The following ITGA9 variants were observed in gnomAD, a reference collection of about 807,000 sequenced individuals.
The protein encoded by ITGA9 is integrin alpha-9.
ITGA9 carries 56 observed loss-of-function variants against 127.8 expected under a neutral mutation model. The ratio of observed to expected loss-of-function variants is 0.44; its 90% CI spans 0.35 to 0.55. The LOEUF (loss-of-function observed/expected upper bound fraction) is 0.55. Ranked by LOEUF, ITGA9 falls within the 20% of genes least tolerant of loss-of-function variation. The pLI, the probability that ITGA9 is intolerant of heterozygous loss-of-function variation, is 0.00. For missense variants in ITGA9, 1,196 were observed against 1,347.1 expected (o/e 0.89, Z 1.76); for synonymous variants, 508 against 514.5 (o/e 0.99, Z 0.17).
At position 37,625,224 on chromosome 3, in the gene ITGA9, G is replaced by T. The variant is rs570334406; in HGVS notation, c.1690-3963G>T. Among the ~76,000 whole-genome samples, 4 of 152,184 alleles carry T rather than the reference G, an allele frequency of 2.6e-5. No individual in the cohort carries two copies. The South Asian group carries it at 6.2e-4, about 24-fold the overall frequency. On this transcript the variant is annotated intron_variant, in intron 15 of 27. Transcript: ENST00000264741. ...GCCAGCCCTCAGTCTGAACCTTTGGGTCCCCAAAGCCTCCCCTGTCCTGGT... is the reference window on the plus strand; with the variant it reads ...GCCAGCCCTCAGTCTGAACCTTTGGTTCCCCAAAGCCTCCCCTGTCCTGGT...
intron 15 of ITGA9, among the ~76,000 whole-genome samples, chr3:37,614,352 G>T (rs1287721657): frequency 1.3e-5 from 2 of 152,070 alleles, no homozygotes; most frequent in Non-Finnish European, 2.9e-5. Flanking sequence ...GTACCATGCT[G>T]TTTTGGTTAC....
intron 15 of ITGA9, among the ~76,000 whole-genome samples, chr3:37,575,302 G>A (rs974022035): frequency 7.2e-5 from 11 of 152,232 alleles, no homozygotes; most frequent in African/African-American, 1.2e-4. Context: ...GACCTTCAGC[G>A]GGCATTTAAC....
chr3:37,529,798 G>T (rs550230361), intron 13 of ITGA9, among the ~76,000 whole-genome samples: 2 of 152,212 alleles, frequency 1.3e-5, no homozygotes, highest in Non-Finnish European at 2.9e-5. Context: ...GATGAGGGAT[G>T]GGGGGATGAG....
rs558420704 is a variant in ITGA9 at position 37,501,846 on chromosome 3, G to A, written c.613-1332G>A. Among the ~76,000 whole-genome samples, 5 of 152,332 alleles carry A rather than the reference G, an allele frequency of 3.3e-5. No homozygotes were observed. The East Asian group carries it at 9.6e-4, about 29-fold the overall frequency. On this transcript the variant is annotated intron_variant, in intron 5 of 27. Coordinates refer to ENST00000264741, the MANE Select transcript of ITGA9 (RefSeq NM_002207.3). ...AATTAGTTTAGAGTGTCCTAGGCAT[G>A]CAGTCTGAGGGGGCAGTGGCAGGAG...
intron 15 of ITGA9, among the ~76,000 whole-genome samples, chr3:37,604,146 C>G (rs1225937043): frequency 6.6e-6 from 1 of 152,230 alleles, no homozygotes; most frequent in Non-Finnish European, 1.5e-5. Context: ...CTGCACAGCC[C>G]TTTGGCAGAG....
chr3:37,594,192 T>C (rs1198626476), intron 15 of ITGA9, among the ~76,000 whole-genome samples: 1 of 152,074 alleles, frequency 6.6e-6, no homozygotes, highest in Non-Finnish European at 1.5e-5. Flanking sequence ...GCTTTTCACG[T>C]GGGGGTTGTT....
chr3:37,525,173 A>G (rs534013565), intron 12 of ITGA9, among the ~76,000 whole-genome samples: 30 of 152,220 alleles, frequency 2.0e-4, no homozygotes, highest in Non-Finnish European at 1.9e-4. Flanking sequence ...GCATAGAACC[A>G]CTGGAAGAGT....
intron 18 of ITGA9, among the ~76,000 whole-genome samples, chr3:37,692,647 TTA>T (rs1240887271): frequency 6.6e-6 from 1 of 152,204 alleles, no homozygotes; most frequent in Non-Finnish European, 1.5e-5. Context: ...TTCCATTTAC[TTA>T]CCATTTGCTT....
chr3:37,658,672 T>A (rs893987332), intron 17 of ITGA9, among the ~76,000 whole-genome samples: 1 of 152,216 alleles, frequency 6.6e-6, no homozygotes, highest in African/African-American at 2.4e-5. Context: ...ATTGGGTCAT[T>A]TAGCCCATTT....
At chr3:37,496,480 C>T (rs1255273023) in intron 5 of ITGA9, among the ~76,000 whole-genome samples, 2 of 152,180 alleles carry the variant, frequency 1.3e-5, no homozygotes, top group African/African-American at 4.8e-5. Flanking sequence ...CATCCATTGC[C>T]CTCCACATCC....
intron 11 of ITGA9, among the ~76,000 whole-genome samples, chr3:37,522,095 G>T (rs1247436690): frequency 6.6e-6 from 1 of 152,074 alleles, no homozygotes; most frequent in African/African-American, 2.4e-5. Flanking sequence ...TCTGCAGGAT[G>T]ACTCGGGAAA....
intron 1 of ITGA9, among the ~76,000 whole-genome samples, chr3:37,464,163 T>C (rs1698346260): frequency 1.3e-5 from 2 of 149,116 alleles, no homozygotes; most frequent in Non-Finnish European, 3.0e-5. Context: ...AAGGTTGTGA[T>C]GGCCTTTGTG....
At chr3:37,720,377 A>G (rs149215389) in intron 18 of ITGA9, among the ~76,000 whole-genome samples, 29 of 152,230 alleles carry the variant, frequency 1.9e-4, no homozygotes, top group African/African-American at 5.8e-4. Flanking sequence ...ATTCTTTCCT[A>G]TCATTTCAGG....
intron 26 of ITGA9, among the ~76,000 whole-genome samples, chr3:37,797,767 T>C (rs1697191316): frequency 6.6e-6 from 1 of 152,112 alleles, no homozygotes. Context: ...ACTGTGTCGC[T>C]CAGGCTGGAG....
At chr3:37,761,688 A>G (rs1696724813) in intron 23 of ITGA9, among the ~76,000 whole-genome samples, 1 of 152,200 alleles carries the variant, frequency 6.6e-6, no homozygotes, top group Non-Finnish European at 1.5e-5. Context: ...GTTGACGTTC[A>G]CTCTTAACAG....
chr3:37,783,247 G>C (rs1001450519), intron 25 of ITGA9, among the ~76,000 whole-genome samples: 1 of 152,154 alleles, frequency 6.6e-6, no homozygotes, highest in South Asian at 2.1e-4. Flanking sequence ...TCCTGTGCCA[G>C]ACTCCTCGTC....
intron 14 of ITGA9, among the ~76,000 whole-genome samples, chr3:37,536,196 T>C (rs267547): frequency 0.57 from 86,723 of 151,922 alleles, 25,236 homozygotes; most frequent in East Asian, 0.81. Context: ...TCCAGGCCTC[T>C]GCCTCAGGAA....
intron 3 of ITGA9, among the ~76,000 whole-genome samples, chr3:37,477,250 C>T (rs571913077): frequency 1.2e-4 from 19 of 152,138 alleles, no homozygotes; most frequent in African/African-American, 4.3e-4. Flanking sequence ...GACCAGTATC[C>T]CCAAGGAGCA....
intron 10 of ITGA9, among the ~76,000 whole-genome samples, chr3:37,518,393 A>T (rs1699009211): frequency 6.6e-6 from 1 of 152,078 alleles, no homozygotes; most frequent in Non-Finnish European, 1.5e-5. Context: ...CCTTGGCCTC[A>T]CTTCTGCAGA....
Sources: allele counts gnomAD v4.1 joint callset (sites outside exome capture counted in the v4.1 genomes callset), GRCh38; gene constraint gnomAD v4.1.1; transcripts MANE v1.5; gene names NCBI Gene and HGNC (gene_info 2026-07-23, HGNC 2026-07-21).